ADAMTS3: variants seen among roughly 807,000 people sequenced by gnomAD.
ADAMTS3 encodes A disintegrin and metalloproteinase with thrombospondin motifs 3.
Under a neutral mutation model 129.0 loss-of-function variants are expected in ADAMTS3, and 73 were observed. That is an observed-to-expected ratio of 0.57 (90% CI 0.47 to 0.69). The LOEUF is 0.69. Among genes scored for constraint, ADAMTS3 ranks in the 30% least tolerant of loss-of-function variants. The pLI is 0.00. For synonymous variants in ADAMTS3, 477 were observed against 510.8 expected (o/e 0.93, Z 0.89); for missense variants, 1,457 against 1,514.5 (o/e 0.96, Z 0.63).
At chr4:72,318,994 A>C (rs1345165218) in intron 9 of ADAMTS3, among the ~76,000 whole-genome samples, 1 of 152,142 alleles carries the variant, frequency 6.6e-6, no homozygotes, top group Non-Finnish European at 1.5e-5. Context: ...GCACATCCTG[A>C]CACCTATACT....
intron 3 of ADAMTS3, among the ~76,000 whole-genome samples, chr4:72,545,175 A>T (rs2109783714): frequency 6.6e-6 from 1 of 152,300 alleles, no homozygotes; most frequent in Non-Finnish European, 1.5e-5. Flanking sequence ...AGAGAAATAC[A>T]GATTTTTAAA....
intron 3 of ADAMTS3, among the ~76,000 whole-genome samples, chr4:72,432,131 C>G (rs1049371705): frequency 4.2e-4 from 64 of 151,932 alleles, no homozygotes; most frequent in Non-Finnish European, 7.4e-5. Context: ...GTGTTCTTCT[C>G]TTCCTAGGTA....
intron 3 of ADAMTS3, among the ~76,000 whole-genome samples, chr4:72,483,523 G>A (rs577392206): frequency 5.5e-4 from 84 of 152,050 alleles, no homozygotes; most frequent in Non-Finnish European, 8.2e-4. Flanking sequence ...TGAGTTTCAG[G>A]AAGTTCATTC....
intron 14 of ADAMTS3, 93 bp from the exon 15 acceptor site, chr4:72,309,613 C>A: frequency 2.1e-6 from 3 of 1,414,942 alleles, no homozygotes; most frequent in Non-Finnish European, 2.9e-6. Flanking sequence ...TCAGTCATGG[C>A]CCACAGTCAG....
rs561893181 is a variant in ADAMTS3, at chr4:72,295,694, T to C, written c.2683A>G (p.Ile895Val). ...TCTTGAATATTGCACATTCGTCTAA[T>C]AGGTTTCGGCTTTTTGTTGGCCTCA... is the stretch of plus-strand genomic sequence containing the variant. ...FCEANKKPKP[I>V]RRMCNIQECT... Residue 895 changes from isoleucine (I) to valine (V), a missense_variant, in exon 19 of 22, where the codon ATT becomes GTT. By Grantham distance (29) the Ile-to-Val change is conservative. Transcript: ENST00000286657. The C allele has an allele frequency of 7.4e-6, 12 of 1,612,926 alleles. No homozygotes were observed. Among genetic ancestry groups the C allele is most frequent in the African/African-American group, 5.3e-5 (4 of 74,896 alleles).
Position 72,291,066 on chromosome 4 carries a change from T to C in ADAMTS3, c.2724-4A>G, listed in dbSNP as rs1011304782. The C allele has an allele frequency of 6.2e-7, 1 of 1,613,646 alleles. No individual in the cohort carries two copies. The highest frequency in any genetic ancestry group is 8.5e-7 in the Non-Finnish European group (1 of 1,179,810). On this transcript the variant is annotated splice_region_variant and splice_polypyrimidine_tract_variant and intron_variant, in intron 19 of 21. Coordinates refer to ENST00000286657, the MANE Select transcript of ADAMTS3 (RefSeq NM_014243.3). ...TTCCCATTCTTCTGCTACCCAGCTG[T>C]GGGTGCGGGGATTTAATATTGCAAT...
At chr4:72,382,720 C>T (rs892960135) in intron 4 of ADAMTS3, among the ~76,000 whole-genome samples, 3 of 152,052 alleles carry the variant, frequency 2.0e-5, no homozygotes, top group Non-Finnish European at 4.4e-5. Flanking sequence ...GAAATCATGT[C>T]CTTCATAGCA....
intron 4 of ADAMTS3, among the ~76,000 whole-genome samples, chr4:72,389,211 C>T (rs1236237069): frequency 3.9e-5 from 6 of 152,100 alleles, no homozygotes; most frequent in Non-Finnish European, 4.4e-5. Context: ...AGGATAACAG[C>T]CTCAGGACTG....
chr4:72,444,699 T>C (rs1317429528), intron 3 of ADAMTS3, among the ~76,000 whole-genome samples: 2 of 151,772 alleles, frequency 1.3e-5, no homozygotes, highest in Non-Finnish European at 2.9e-5. Context: ...GCTACGTATT[T>C]GACATTGCAA....
At chr4:72,394,090 C>A (rs999043519) in intron 4 of ADAMTS3, among the ~76,000 whole-genome samples, 2 of 152,090 alleles carry the variant, frequency 1.3e-5, no homozygotes, top group African/African-American at 4.8e-5. Context: ...AGACTGACCC[C>A]ACTCTTAGAG....
At chr4:72,373,615 G>A (rs1721066555) in intron 4 of ADAMTS3, among the ~76,000 whole-genome samples, 1 of 152,036 alleles carries the variant, frequency 6.6e-6, no homozygotes, top group Non-Finnish European at 1.5e-5. Flanking sequence ...ATAGTGGTGA[G>A]GGGCTGGGCA....
chr4:72,430,165 T>C (rs1180721012), intron 3 of ADAMTS3, among the ~76,000 whole-genome samples: 1 of 152,002 alleles, frequency 6.6e-6, no homozygotes, highest in Non-Finnish European at 1.5e-5. Flanking sequence ...AAGTGTGACC[T>C]TGGCACTCCC....
chr4:72,387,748 A>C (rs1047141969), intron 4 of ADAMTS3, among the ~76,000 whole-genome samples: 3 of 152,200 alleles, frequency 2.0e-5, no homozygotes, highest in South Asian at 2.1e-4. Context: ...GAGGTGCCTA[A>C]GGCAACATAA....
At chr4:72,376,227 C>A (rs1475331728) in intron 4 of ADAMTS3, among the ~76,000 whole-genome samples, 1 of 152,084 alleles carries the variant, frequency 6.6e-6, no homozygotes, top group Non-Finnish European at 1.5e-5. Context: ...GGATTTATTG[C>A]TCATAGTTCT....
intron 3 of ADAMTS3, among the ~76,000 whole-genome samples, chr4:72,434,620 C>A (rs2109951483): frequency 6.6e-6 from 1 of 151,840 alleles, no homozygotes; most frequent in South Asian, 2.1e-4. Flanking sequence ...TGGGCAGGAC[C>A]TGTGAATATG....
chr4:72,390,489 G>A (rs1721562742), intron 4 of ADAMTS3, among the ~76,000 whole-genome samples: 2 of 152,028 alleles, frequency 1.3e-5, no homozygotes, highest in Non-Finnish European at 1.5e-5. Flanking sequence ...ATTCACTCAG[G>A]CAGACTACAT....
At chr4:72,535,869 T>TTA (rs987765043) in intron 3 of ADAMTS3, among the ~76,000 whole-genome samples, 12 of 152,186 alleles carry the variant, frequency 7.9e-5, no homozygotes, top group African/African-American at 2.9e-4. Flanking sequence ...ATAAAACCCT[T>TTA]TACCTTCTAT....
chr4:72,519,046 C>T (rs1000972776), intron 3 of ADAMTS3, among the ~76,000 whole-genome samples: 1 of 150,614 alleles, frequency 6.6e-6, no homozygotes, highest in Non-Finnish European at 1.5e-5. Context: ...GTGACAAAAT[C>T]TCTCAGCATT....
At chr4:72,449,561 GAAC>G (rs1365049149) in intron 3 of ADAMTS3, among the ~76,000 whole-genome samples, 1 of 151,684 alleles carries the variant, frequency 6.6e-6, no homozygotes, top group African/African-American at 2.4e-5. Flanking sequence ...CACCTCACCT[GAAC>G]AACAGTAAGA....
Sources: allele counts gnomAD v4.1 joint callset (sites outside exome capture counted in the v4.1 genomes callset), GRCh38; gene constraint gnomAD v4.1.1; transcripts MANE v1.5; gene names NCBI Gene and HGNC (gene_info 2026-07-23, HGNC 2026-07-21).